Variants in MOCS2 observed in about 807,000 individuals in gnomAD.
MOCS2 encodes the protein molybdopterin synthase catalytic subunit.
MOCS2 carries 13 observed loss-of-function variants against 21.9 expected under a neutral mutation model. That is an observed-to-expected ratio of 0.59 (90% CI 0.39 to 0.94). The LOEUF (loss-of-function observed/expected upper bound fraction) is 0.94. MOCS2 is among the 40% of genes least tolerant of loss of function. The pLI, the probability that MOCS2 is intolerant of heterozygous loss-of-function variation, is 0.00. For synonymous variants in MOCS2, 92 were observed against 80.8 expected (o/e 1.14, Z -0.74); for missense variants, 227 against 218.3 (o/e 1.04, Z -0.25).
chr5:53,098,027 C>T lies in MOCS2; in HGVS notation c.*575G>A, dbSNP rs1269294526. ...ATCCCAGAAATCTCCATAATGAGAA[C>T]TATTTTAGGCAATTTAAAAAAAAAG... On this transcript the variant is annotated 3_prime_UTR_variant, in exon 7 of 7. Coordinates refer to ENST00000396954, the MANE Select transcript of MOCS2 (RefSeq NM_004531.5). 1 of 151,892 alleles carries T rather than the reference C, an allele frequency of 6.6e-6. No homozygotes were observed. The highest frequency in any genetic ancestry group is 2.4e-5 in the African/African-American group (1 of 41,294). The allele number at this position is 151,892 out of a possible 1,614,324, so 9.4% of individuals were successfully genotyped here. A position where few individuals can be genotyped will look rare whatever the true frequency, so the allele number is the denominator to read the frequency against.
intron 2 of MOCS2, 140 bp from the exon 3 acceptor site, chr5:53,107,361 T>A: frequency 1.3e-6 from 1 of 772,394 alleles, no homozygotes; most frequent in Non-Finnish European, 2.1e-6. Flanking sequence ...ACACATAGTA[T>A]ATGGAGAAAG....
At position 53,109,539 on chromosome 5, in the gene MOCS2, G is replaced by T. The variant is rs1561178781; in HGVS notation, c.-458C>A. The T allele has an allele frequency of 7.5e-7, 1 of 1,326,472 alleles. No individual in the cohort carries two copies. Among genetic ancestry groups the T allele is most frequent in the Non-Finnish European group, 9.9e-7 (1 of 1,012,514 alleles). 82.2% of individuals were successfully genotyped at this position (1,326,472 alleles called of 1,614,324 possible). ...GCAGTCGCAGTAAAGCCCGGAGACA[G>T]GAAGGGCCCGGGGGCGGGGGCGGGG... On this transcript the variant is annotated 5_prime_UTR_variant, in exon 1 of 7. The change creates a new upstream start codon in the 5' untranslated region. Transcript: ENST00000396954.
intron 1 of MOCS2, 35 bp downstream of exon 1, chr5:53,109,215 TG>T: frequency 1.1e-6 from 1 of 894,422 alleles, no homozygotes; most frequent in Non-Finnish European, 1.3e-6. Flanking sequence ...GCCAGCAGCC[TG>T]GTATGTAAGG....
chr5:53,104,652 G>A (rs1328283334), intron 3 of MOCS2, among the ~76,000 whole-genome samples: 1 of 152,138 alleles, frequency 6.6e-6, no homozygotes, highest in Non-Finnish European at 1.5e-5. Flanking sequence ...GTTGACATGA[G>A]AGGCAATCTG....
In MOCS2 at chr5:53,097,046, A is replaced by G. The variant is rs1458361193; in HGVS notation, c.*1556T>C. The G allele has an allele frequency of 1.3e-5, 2 of 152,252 alleles. No individual in the cohort carries two copies. Among genetic ancestry groups the G allele is most frequent in the African/African-American group, 4.8e-5 (2 of 41,446 alleles). 9.4% of individuals were successfully genotyped at this position (152,252 alleles called of 1,614,324 possible). On this transcript the variant is annotated 3_prime_UTR_variant, in exon 7 of 7. Transcript: ENST00000396954. Reference sequence around the variant, plus strand: ...AGCCAACACCCACCCCTTCTCTCCAATGGGGACAGGCGGAAGCTCGATGGC... The same window carrying G: ...AGCCAACACCCACCCCTTCTCTCCAGTGGGGACAGGCGGAAGCTCGATGGC...
intron 3 of MOCS2, among the ~76,000 whole-genome samples, chr5:53,106,322 G>T (rs1239159239): frequency 6.6e-6 from 1 of 152,152 alleles, no homozygotes; most frequent in Non-Finnish European, 1.5e-5. Flanking sequence ...TGGTAGACTG[G>T]ATAAAGAAAA....
intron 2 of MOCS2, among the ~76,000 whole-genome samples, chr5:53,108,320 G>C (rs1224213046): frequency 2.6e-5 from 4 of 152,192 alleles, no homozygotes; most frequent in African/African-American, 9.7e-5. Flanking sequence ...GCGGTTCACT[G>C]TGTTTTGGGG....
Position 53,108,643 on chromosome 5 carries a change from C to T in MOCS2, c.-169G>A. 6.2e-7 allele frequency: 1 copy of T among 1,611,918 alleles called. No individual in the cohort carries two copies. The highest frequency in any genetic ancestry group is 1.3e-5 in the African/African-American group (1 of 74,960). On this transcript the variant is annotated splice_region_variant and 5_prime_UTR_variant, in exon 2 of 7. Coordinates refer to ENST00000396954, the MANE Select transcript of MOCS2 (RefSeq NM_004531.5). ...CTTTTTGCAAAATACAATACTTCAA[C>T]CTGAAAGTAAAGAAAATGCTTTTAA...
chr5:53,100,310 A>T, intron 6 of MOCS2, 101 bp downstream of exon 6: 1 of 1,309,784 alleles, frequency 7.6e-7, no homozygotes, highest in Non-Finnish European at 1.1e-6. Context: ...AAAACAAGAT[A>T]CTACAGTCAG....
Position 53,108,620 on chromosome 5 carries a change from T to A in MOCS2, c.-146A>T, listed in dbSNP as rs754501260. ...AACGAACTCCTGTTATTTCAGCACT[T>A]TTTGCAAAATACAATACTTCAACCT... On this transcript the variant is annotated 5_prime_UTR_variant, in exon 2 of 7. Transcript: ENST00000396954. 1 of 1,613,702 alleles carries A rather than the reference T, an allele frequency of 6.2e-7. No individual in the cohort carries two copies. Among genetic ancestry groups the A allele is most frequent in the Admixed American group, 1.7e-5 (1 of 59,996 alleles).
Position 53,109,730 on chromosome 5 carries a change from C to G in MOCS2, c.-649G>C. 6.4e-7 allele frequency: 1 copy of G among 1,551,016 alleles called. No homozygotes were observed. Among genetic ancestry groups the G allele is most frequent in the Non-Finnish European group, 8.7e-7 (1 of 1,147,368 alleles). On this transcript the variant is annotated 5_prime_UTR_variant, in exon 1 of 7. Transcript: ENST00000396954. ...CCCTTACCTGGCACAGCGGCACCAT[C>G]CCGCCTAGGACAGCGGGACCGAATC...
In MOCS2 at chr5:53,096,988, C is replaced by A. The variant is rs560333669; in HGVS notation, c.*1614G>T. The A allele has an allele frequency of 6.6e-6, 1 of 152,286 alleles. No homozygotes were observed. Among genetic ancestry groups the A allele is most frequent in the Admixed American group, 6.5e-5 (1 of 15,290 alleles). The allele number at this position is 152,286 out of a possible 1,614,324, so 9.4% of individuals were successfully genotyped here. ...TAGAAATGTCCAGTGACCCAGTAACCCCATGATAATGTGCTTTTAGATATA... is the reference window on the plus strand; with the variant it reads ...TAGAAATGTCCAGTGACCCAGTAACACCATGATAATGTGCTTTTAGATATA... On this transcript the variant is annotated 3_prime_UTR_variant, in exon 7 of 7. Transcript: ENST00000396954.
In MOCS2 at chr5:53,109,360, G is replaced by C; in HGVS notation, c.-279C>G. On this transcript the variant is annotated 5_prime_UTR_variant, in exon 1 of 7. Transcript: ENST00000396954. ...AGTTCTTCACAAGAATTCTCCATGA[G>C]GTGCATTTCTTTTTAGATTAAAATT... 1 of 1,135,114 alleles carries C rather than the reference G, an allele frequency of 8.8e-7. No individual in the cohort carries two copies. Among genetic ancestry groups the C allele is most frequent in the African/African-American group, 1.6e-5 (1 of 62,020 alleles). The allele number at this position is 1,135,114 out of a possible 1,614,324, so 70.3% of individuals were successfully genotyped here.
chr5:53,108,166 C>G (rs997030805), intron 2 of MOCS2: 1 of 173,960 alleles, frequency 5.7e-6, no homozygotes, highest in African/African-American at 2.4e-5. Flanking sequence ...ATGTTGAGCT[C>G]TCTAAAGAGA....
intron 2 of MOCS2, 47 bp from the exon 3 acceptor site, chr5:53,107,268 C>T (rs1187955720): frequency 6.5e-7 from 1 of 1,545,642 alleles, no homozygotes; most frequent in Admixed American, 1.9e-5. Flanking sequence ...TATGATAGAC[C>T]TCAAATCGCT....
At chr5:53,100,683 G>A (rs1740886471) in intron 5 of MOCS2, 149 bp from the exon 6 acceptor site, 5 of 793,430 alleles carry the variant, frequency 6.3e-6, no homozygotes, top group Non-Finnish European at 1.0e-5. Flanking sequence ...TTAGAAAAGA[G>A]TAATTAATTG....
rs747258851 is a variant in MOCS2, at chr5:53,102,232, T to G, written c.99-8A>C. The stretch of plus-strand genomic sequence containing the variant: ...ACTTCATCCATATCTTTCCTAGAAA[T>G]AATACATTAACAAACCTTAACAGAA... On this transcript the variant is annotated splice_region_variant and splice_polypyrimidine_tract_variant and intron_variant, in intron 3 of 6. Coordinates refer to ENST00000396954, the MANE Select transcript of MOCS2 (RefSeq NM_004531.5). 2 of 1,609,666 alleles carry G rather than the reference T, an allele frequency of 1.2e-6. No individual in the cohort carries two copies. Among genetic ancestry groups the G allele is most frequent in the Non-Finnish European group, 1.7e-6 (2 of 1,176,752 alleles).
intron 3 of MOCS2, among the ~76,000 whole-genome samples, chr5:53,106,113 AG>A (rs143390062): frequency 0.14 from 21,641 of 152,184 alleles, 1,636 homozygotes; most frequent in Middle Eastern, 0.2. Context: ...ACACTGCTGC[AG>A]GGAGTGTAAA....
At position 53,102,185 on chromosome 5, in the gene MOCS2, A is replaced by C. The variant is rs1371875388; in HGVS notation, c.138T>G (p.Val46=). 6.2e-7 allele frequency: 1 copy of C among 1,612,380 alleles called. No homozygotes were observed. The highest frequency in any genetic ancestry group is 1.3e-5 in the African/African-American group (1 of 74,892). ...MDEVEEKSKD[V]INFTAEKLSV... ...AAAGTTTCTCGGCAGTAAAGTTTAT[A>C]ACATCTTTAGATTTCTCTTCAACTT... is the stretch of plus-strand genomic sequence containing the variant. Residue 46 remains valine (V), a synonymous_variant, in exon 4 of 7, where the codon GTT becomes GTG. Coordinates refer to ENST00000396954, the MANE Select transcript of MOCS2 (RefSeq NM_004531.5).
Sources: allele counts gnomAD v4.1 joint callset (sites outside exome capture counted in the v4.1 genomes callset), GRCh38; gene constraint gnomAD v4.1.1; transcripts MANE v1.5; gene names NCBI Gene and HGNC (gene_info 2026-07-23, HGNC 2026-07-21).